TLE4: variants seen among roughly 807,000 people sequenced by gnomAD.
The protein encoded by TLE4 is TLE family member 4, transcriptional corepressor.
In TLE4, 8 loss-of-function variants were observed where a neutral mutation model predicts 92.8. The ratio of observed to expected loss-of-function variants is 0.09; its 90% CI spans 0.05 to 0.16. The LOEUF is 0.16. TLE4 is among the 10% of genes least tolerant of loss of function. The probability of loss-of-function intolerance (pLI) is 1.00; values close to 1 mark genes in which losing one functional copy is unlikely to be tolerated. For missense variants in TLE4, 675 were observed against 997.6 expected (o/e 0.68, Z 4.36); for synonymous variants, 371 against 374.1 (o/e 0.99, Z 0.10).
chr9:79,579,147 GTTTTTGT>G (rs1296615796), intron 4 of TLE4, among the ~76,000 whole-genome samples: 2 of 152,160 alleles, frequency 1.3e-5, no homozygotes, highest in Non-Finnish European at 2.9e-5. Flanking sequence ...TAAGTGTATG[GTTTTTGT>G]TTTTTGTTTT....
chr9:79,708,931 A>C (rs1187464032), intron 13 of TLE4, 145 bp downstream of exon 13: 8 of 981,156 alleles, frequency 8.2e-6, no homozygotes, highest in Non-Finnish European at 1.2e-5. Flanking sequence ...TCCTGGGCTT[A>C]AGCGATCCTC....
At chr9:79,670,599 C>G (rs2062142202) in intron 8 of TLE4, among the ~76,000 whole-genome samples, 1 of 152,152 alleles carries the variant, frequency 6.6e-6, no homozygotes, top group Non-Finnish European at 1.5e-5. Flanking sequence ...ACTCTACATA[C>G]TCTGTTCAAA....
chr9:79,623,287 C>T (rs1266598664), intron 5 of TLE4, among the ~76,000 whole-genome samples: 5 of 151,970 alleles, frequency 3.3e-5, no homozygotes, highest in African/African-American at 1.2e-4. Context: ...TGCCCTAAAA[C>T]ATTGGCATGA....
intron 8 of TLE4, among the ~76,000 whole-genome samples, chr9:79,679,968 T>C (rs57930947): frequency 0.11 from 16,063 of 151,960 alleles, 934 homozygotes; most frequent in African/African-American, 0.14. Context: ...TCTGTTCCAT[T>C]GATCTATATC....
At chr9:79,623,699 GTT>G (rs35464327) in intron 5 of TLE4, among the ~76,000 whole-genome samples, 1 of 137,290 alleles carries the variant, frequency 7.3e-6, no homozygotes, top group Non-Finnish European at 1.5e-5. Flanking sequence ...CAATCTAAGG[GTT>G]TTTTTTTTTT....
intron 8 of TLE4, among the ~76,000 whole-genome samples, chr9:79,694,530 C>G (rs550695757): frequency 2.6e-5 from 4 of 151,812 alleles, no homozygotes; most frequent in Non-Finnish European, 4.4e-5. Context: ...GAAATTGTAT[C>G]TCTTAAGTAT....
chr9:79,657,108 A>G (rs1003812401), intron 8 of TLE4, among the ~76,000 whole-genome samples: 4 of 152,188 alleles, frequency 2.6e-5, no homozygotes, highest in African/African-American at 9.7e-5. Flanking sequence ...CTTGATGATG[A>G]GAAACTAGAC....
chr9:79,631,721 G>A (rs1295807544), intron 6 of TLE4, among the ~76,000 whole-genome samples: 1 of 147,632 alleles, frequency 6.8e-6, no homozygotes, highest in Non-Finnish European at 1.5e-5. Context: ...AAAAATGTAT[G>A]TCTCTTCTTT....
intron 8 of TLE4, among the ~76,000 whole-genome samples, chr9:79,669,547 G>C (rs2061927737): frequency 6.6e-6 from 1 of 152,020 alleles, no homozygotes; most frequent in South Asian, 2.1e-4. Context: ...TTTGGTCTGA[G>C]GCGCTCTGGG....
At chr9:79,573,838 C>G (rs766648426) in intron 2 of TLE4, 52 bp downstream of exon 2, 1 of 1,338,516 alleles carries the variant, frequency 7.5e-7, no homozygotes, top group Non-Finnish European at 1.0e-6. Context: ...TCTTGTCTCC[C>G]CGACAAATAC....
At chr9:79,693,611 C>A (rs746043258) in intron 8 of TLE4, 1 of 513,544 alleles carries the variant, frequency 1.9e-6, no homozygotes, top group Non-Finnish European at 3.9e-6. Flanking sequence ...GCACACATGC[C>A]ACACGTGTGC....
intron 4 of TLE4, among the ~76,000 whole-genome samples, chr9:79,577,564 G>T (rs1464765803): frequency 6.6e-6 from 1 of 152,132 alleles, no homozygotes. Context: ...CAATCTTGTG[G>T]ATGGACTTCT....
At chr9:79,684,831 C>G (rs752980792) in intron 8 of TLE4, among the ~76,000 whole-genome samples, 4 of 152,166 alleles carry the variant, frequency 2.6e-5, no homozygotes, top group Non-Finnish European at 5.9e-5. Context: ...CAAAGCAAGT[C>G]ATATGGCTGA....
rs902679675 is a variant in TLE4, at chr9:79,626,933, G to A, written c.316-441G>A. Reference sequence around the variant, plus strand: ...TGTCCTTCCGGTGTCTTCGCTAACCGTTATCGGGAGAAAATTTAAAAATAA... The same window carrying A: ...TGTCCTTCCGGTGTCTTCGCTAACCATTATCGGGAGAAAATTTAAAAATAA... On this transcript the variant is annotated intron_variant, in intron 5 of 19. Coordinates refer to ENST00000376552, the MANE Select transcript of TLE4 (RefSeq NM_007005.6). Among the ~76,000 whole-genome samples, 8 of 152,076 alleles carry A rather than the reference G, an allele frequency of 5.3e-5. No individual in the cohort carries two copies. In the South Asian group the frequency reaches 1.0e-3, roughly 20 times the overall value.
At chr9:79,575,506 G>GTC (rs1198569686) in intron 3 of TLE4, among the ~76,000 whole-genome samples, 1 of 152,054 alleles carries the variant, frequency 6.6e-6, no homozygotes, top group Non-Finnish European at 1.5e-5. Context: ...GAATGTTGTA[G>GTC]TCTCCTGTAT....
At chr9:79,651,976 G>T (rs978617783) in intron 6 of TLE4, among the ~76,000 whole-genome samples, 3 of 152,032 alleles carry the variant, frequency 2.0e-5, no homozygotes, top group Admixed American at 1.3e-4. Flanking sequence ...AGCCTTTTAT[G>T]AGGTTTGTTA....
rs935654420 is a variant in TLE4 at position 79,572,904 on chromosome 9, C to G, written c.45+69C>G. The G allele has an allele frequency of 2.2e-4, 341 of 1,519,428 alleles. 1 individual carries two copies. Among genetic ancestry groups the G allele is most frequent in the Non-Finnish European group, 5.3e-5 (59 of 1,118,952 alleles). The allele number at this position is 1,519,428 out of a possible 1,614,324, so 94.1% of individuals were successfully genotyped here. ...ATTCCCCGCGTCGCCCCCTGCGCAC[C>G]GAGTTGTGTCTTTTGGCCGGAGGGG... On this transcript the variant is annotated intron_variant, in intron 1 of 19. Transcript: ENST00000376552.
chr9:79,708,946 C>T (rs763185260), intron 13 of TLE4, among the ~76,000 whole-genome samples, 160 bp downstream of exon 13: 28 of 152,170 alleles, frequency 1.8e-4, no homozygotes, highest in Non-Finnish European at 3.7e-4. Flanking sequence ...ATCCTCCCAC[C>T]TCAGCCTCTC....
chr9:79,605,474 T>C (rs894842985), intron 4 of TLE4, among the ~76,000 whole-genome samples: 3 of 152,100 alleles, frequency 2.0e-5, no homozygotes, highest in African/African-American at 7.2e-5. Flanking sequence ...ACACAATAAC[T>C]AGAGCCCAGA....
Sources: gnomAD v4.1 joint callset for allele counts (sites outside exome capture counted in the v4.1 genomes callset) on GRCh38, gnomAD v4.1.1 for gene constraint, MANE v1.5 for transcripts, NCBI Gene and HGNC (gene_info 2026-07-23, HGNC 2026-07-21) for gene names.